Variants in BACH2 observed in about 807,000 individuals in gnomAD.
The protein encoded by BACH2 is BACH transcriptional regulator 2.
A neutral mutation model predicts 61.8 loss-of-function variants in BACH2; 5 were observed. The ratio of observed to expected loss-of-function variants is 0.08; its 90% CI spans 0.04 to 0.17. The LOEUF (loss-of-function observed/expected upper bound fraction) is 0.17. Ranked by LOEUF, BACH2 falls within the 10% of genes least tolerant of loss-of-function variation. The pLI, the probability that BACH2 is intolerant of heterozygous loss-of-function variation, is 1.00. For synonymous variants in BACH2, 446 were observed against 440.1 expected (o/e 1.01, Z -0.17); for missense variants, 824 against 1,091.1 (o/e 0.76, Z 3.45).
chr6:90,248,025 G>T (rs1770693996), intron 3 of BACH2, among the ~76,000 whole-genome samples: 1 of 152,176 alleles, frequency 6.6e-6, no homozygotes, highest in African/African-American at 2.4e-5. Flanking sequence ...ACAAATGTTT[G>T]TTACATGAAT....
intron 4 of BACH2, among the ~76,000 whole-genome samples, chr6:90,093,477 TATGGCA>T (rs1782257504): frequency 6.6e-6 from 1 of 152,204 alleles, no homozygotes; most frequent in Non-Finnish European, 1.5e-5. Context: ...TGCTGTCCAA[TATGGCA>T]GCCACATGAG....
intron 4 of BACH2, among the ~76,000 whole-genome samples, chr6:90,147,255 C>T (rs1562473540): frequency 6.6e-6 from 1 of 152,122 alleles, no homozygotes; most frequent in Non-Finnish European, 1.5e-5. Context: ...CCCTTTTCAC[C>T]CTGTCCTCAG....
intron 3 of BACH2, among the ~76,000 whole-genome samples, chr6:90,210,312 AACACACAC>A (rs3072671): frequency 0.034 from 4,984 of 147,228 alleles, 216 homozygotes; most frequent in African/African-American, 0.1. Context: ...ACCCCAAAAC[AACACACAC>A]ACACACACAC....
At chr6:90,066,515 T>C (rs902003652) in intron 5 of BACH2, among the ~76,000 whole-genome samples, 2 of 152,062 alleles carry the variant, frequency 1.3e-5, no homozygotes, top group Non-Finnish European at 2.9e-5. Context: ...TTAGGACAAT[T>C]TACTAATCCA....
At chr6:90,124,706 T>C (rs935655322) in intron 4 of BACH2, among the ~76,000 whole-genome samples, 1 of 152,212 alleles carries the variant, frequency 6.6e-6, no homozygotes, top group African/African-American at 2.4e-5. Context: ...TTCCCATTTT[T>C]CCCACCATTG....
chr6:90,064,323 A>G (rs1234586288), intron 5 of BACH2, among the ~76,000 whole-genome samples: 2 of 152,210 alleles, frequency 1.3e-5, no homozygotes, highest in East Asian at 3.8e-4. Flanking sequence ...GTATCTCAAC[A>G]GGCACATATG....
At chr6:90,289,035 C>T (rs1376910292) in intron 1 of BACH2, among the ~76,000 whole-genome samples, 1 of 152,152 alleles carries the variant, frequency 6.6e-6, no homozygotes, top group Non-Finnish European at 1.5e-5. Context: ...GACACTAAAA[C>T]CTAAGGAATG....
intron 6 of BACH2, among the ~76,000 whole-genome samples, chr6:89,987,105 T>C (rs998613529): frequency 3.9e-5 from 6 of 152,284 alleles, no homozygotes; most frequent in Admixed American, 6.5e-5. Flanking sequence ...CTCCAGGAGA[T>C]AGAATCAGGA....
chr6:90,046,671 G>A (rs373536588), intron 5 of BACH2, among the ~76,000 whole-genome samples: 2 of 152,276 alleles, frequency 1.3e-5, no homozygotes, highest in Non-Finnish European at 1.5e-5. Context: ...ACTAAGGCAG[G>A]AGCACACTGG....
chr6:90,052,445 G>A (rs1362328791), intron 5 of BACH2, among the ~76,000 whole-genome samples: 1 of 151,698 alleles, frequency 6.6e-6, no homozygotes, highest in East Asian at 1.9e-4. Context: ...TTTGAGACAG[G>A]GTCTTTCTCT....
intron 5 of BACH2, among the ~76,000 whole-genome samples, chr6:90,052,578 C>T (rs183083053): frequency 5.9e-5 from 9 of 152,218 alleles, no homozygotes; most frequent in African/African-American, 2.2e-4. Flanking sequence ...GGCCAGCATG[C>T]CTGGCTAATT....
rs1189379505 is a variant in BACH2 at position 89,926,864 on chromosome 6, T to C, written c.*5544A>G. On this transcript the variant is annotated 3_prime_UTR_variant, in exon 9 of 9. Coordinates refer to ENST00000257749, the MANE Select transcript of BACH2 (RefSeq NM_021813.4). ...ATTGAATTAAATTACATTAATCGCA[T>C]AGAATCTGTGTAAAAAGTATGTAGA... 6.5e-6 allele frequency: 1 copy of C among 152,762 alleles called. No individual in the cohort carries two copies. The highest frequency in any genetic ancestry group is 1.5e-5 in the Non-Finnish European group (1 of 68,042). 9.5% of individuals were successfully genotyped at this position (152,762 alleles called of 1,614,324 possible).
intron 1 of BACH2, among the ~76,000 whole-genome samples, chr6:90,296,075 C>G (rs748285088): frequency 6.6e-6 from 1 of 151,982 alleles, no homozygotes; most frequent in Non-Finnish European, 1.5e-5. Context: ...GGCAGGGCCG[C>G]GGGTCTGACA....
chr6:90,095,262 A>T (rs1433915140), intron 4 of BACH2, among the ~76,000 whole-genome samples: 1 of 152,068 alleles, frequency 6.6e-6, no homozygotes, highest in East Asian at 1.9e-4. Context: ...TCTTTCAAAC[A>T]GAATTTAAAC....
chr6:90,016,908 CTG>C (rs961516575), intron 5 of BACH2, among the ~76,000 whole-genome samples: 7 of 151,664 alleles, frequency 4.6e-5, no homozygotes, highest in African/African-American at 1.7e-4. Context: ...CTTTGTTCCT[CTG>C]TATGTAATGT....
At chr6:90,046,407 A>C (rs1779780886) in intron 5 of BACH2, among the ~76,000 whole-genome samples, 1 of 152,246 alleles carries the variant, frequency 6.6e-6, no homozygotes, top group African/African-American at 2.4e-5. Flanking sequence ...GGCAATGCCT[A>C]AACTGAATTC....
At chr6:89,944,161 C>T (rs1773597196) in intron 7 of BACH2, among the ~76,000 whole-genome samples, 1 of 152,198 alleles carries the variant, frequency 6.6e-6, no homozygotes, top group African/African-American at 2.4e-5. Context: ...TGTGTGATCT[C>T]AGGCAAGTCT....
intron 6 of BACH2, among the ~76,000 whole-genome samples, chr6:90,002,262 C>A (rs1322003809): frequency 6.6e-6 from 1 of 152,204 alleles, no homozygotes; most frequent in Admixed American, 6.5e-5. Context: ...TTCGAGAAAG[C>A]TCCAAGGCTC....
At chr6:89,959,281 G>T (rs1294080375) in intron 6 of BACH2, among the ~76,000 whole-genome samples, 1 of 152,004 alleles carries the variant, frequency 6.6e-6, no homozygotes, top group Non-Finnish European at 1.5e-5. Context: ...GCCCACCAAG[G>T]TACTTTTTGA....
Sources: gnomAD v4.1 joint callset for allele counts (sites outside exome capture counted in the v4.1 genomes callset) on GRCh38, gnomAD v4.1.1 for gene constraint, MANE v1.5 for transcripts, NCBI Gene and HGNC (gene_info 2026-07-23, HGNC 2026-07-21) for gene names.